Variants in C19orf38 observed in about 807,000 individuals in gnomAD.
The protein encoded by C19orf38 is chromosome 19 open reading frame 38.
In C19orf38, 14 loss-of-function variants were observed where a neutral mutation model predicts 26.6. The ratio of observed to expected loss-of-function variants is 0.53; its 90% CI spans 0.35 to 0.82. The LOEUF (loss-of-function observed/expected upper bound fraction) is 0.82, where lower values mean the gene tolerates loss of function less well. C19orf38 is among the 40% of genes least tolerant of loss of function. The pLI, the probability that C19orf38 is intolerant of heterozygous loss-of-function variation, is 0.01. For missense variants in C19orf38, 261 were observed against 299.5 expected (o/e 0.87, Z 0.95); for synonymous variants, 132 against 128.5 (o/e 1.03, Z -0.18).
intron 6 of C19orf38, among the ~76,000 whole-genome samples, chr19:10,866,654 G>GTT (rs113719440): frequency 6.9e-6 from 1 of 144,438 alleles, no homozygotes. Flanking sequence ...GCTGGCTAAA[G>GTT]TTTTTTTTTT....
chr19:10,839,676 A>G (rs1333458884), intron 1 of C19orf38, among the ~76,000 whole-genome samples: 2 of 149,770 alleles, frequency 1.3e-5, no homozygotes, highest in East Asian at 3.9e-4. Flanking sequence ...ATTCCTTTTT[A>G]TGGCTGAGTA....
chr19:10,860,403 G>A (rs567161287), intron 5 of C19orf38, among the ~76,000 whole-genome samples: 2 of 151,456 alleles, frequency 1.3e-5, no homozygotes, highest in South Asian at 2.1e-4. Context: ...GTGTGGTGGC[G>A]GACACCTGTA....
rs1315155280 is a variant in C19orf38 at position 10,859,374 on chromosome 19, ATATATATATATTT to A, written c.462-539_462-527del. Among the ~76,000 whole-genome samples, 364 of 39,960 alleles carry A rather than the reference ATATATATATATTT, an allele frequency of 9.1e-3. 9 individuals are homozygous for A. The highest frequency in any genetic ancestry group is 0.052 in the East Asian group (32 of 610). The allele number at this position is 39,960 out of a possible 152,430, so 26.2% of individuals were successfully genotyped here. On this transcript the variant is annotated intron_variant, in intron 4 of 6. Coordinates refer to ENST00000397820, the MANE Select transcript of C19orf38 (RefSeq NM_001136482.3). ...TATATATATATATATATATATATAT[ATATATATATATTT>A]TTTTTTTTTTTTTTAGACGGAGTCT...
chr19:10,842,237 C>T, intron 1 of C19orf38: 1 of 1,174,342 alleles, frequency 8.5e-7, no homozygotes, highest in South Asian at 1.3e-5. Context: ...AGAACCATCT[C>T]TTGGAAAACA....
intron 6 of C19orf38, 25 bp from the exon 7 acceptor site, chr19:10,869,193 T>C: frequency 1.3e-6 from 2 of 1,551,536 alleles, no homozygotes; most frequent in Non-Finnish European, 1.7e-6. Flanking sequence ...CACCCACTTC[T>C]GTGTTTCTTC....
intron 6 of C19orf38, among the ~76,000 whole-genome samples, chr19:10,868,352 C>G (rs2073772671): frequency 6.6e-6 from 1 of 152,172 alleles, no homozygotes. Context: ...GGTGGAACCC[C>G]CAGCCTGCTG....
chr19:10,841,283 C>T (rs778632673), intron 1 of C19orf38, among the ~76,000 whole-genome samples: 11 of 151,698 alleles, frequency 7.3e-5, no homozygotes, highest in African/African-American at 2.4e-4. Flanking sequence ...GCCTTGGCAA[C>T]GTAGAGAGAC....
chr19:10,848,716 G>T (rs942138406), intron 1 of C19orf38, among the ~76,000 whole-genome samples, 177 bp downstream of exon 1: 1 of 152,122 alleles, frequency 6.6e-6, no homozygotes, highest in South Asian at 2.1e-4. Context: ...AGTAGTGTTG[G>T]TTTTTTCTTC....
intron 5 of C19orf38, among the ~76,000 whole-genome samples, chr19:10,860,322 A>G (rs1401962826): frequency 6.6e-6 from 1 of 151,914 alleles, no homozygotes; most frequent in African/African-American, 2.4e-5. Context: ...TCACGAGGTC[A>G]GGAATTCGAG....
intron 2 of C19orf38, among the ~76,000 whole-genome samples, chr19:10,854,299 A>C (rs1035348138): frequency 1.3e-5 from 2 of 150,328 alleles, no homozygotes; most frequent in African/African-American, 4.9e-5. Flanking sequence ...CCTGACCTCA[A>C]GTGATCCGCC....
At chr19:10,856,117 T>C (rs1329526795) in intron 2 of C19orf38, 148 bp from the exon 3 acceptor site, 1 of 606,754 alleles carries the variant, frequency 1.6e-6, no homozygotes, top group South Asian at 1.9e-5. Flanking sequence ...GATAGGCTAA[T>C]TGGCCAGACA....
chr19:10,858,226 TAAAAAAAAAAAA>T (rs371026775), intron 3 of C19orf38, 78 bp from the exon 4 acceptor site: 11 of 320,732 alleles, frequency 3.4e-5, no homozygotes, highest in South Asian at 6.6e-5. Context: ...AGACTCTGTC[TAAAAAAAAAAAA>T]AAAAAAAAAA....
At chr19:10,857,362 A>ATTTTT (rs1304594112) in intron 3 of C19orf38, among the ~76,000 whole-genome samples, 27 of 81,596 alleles carry the variant, frequency 3.3e-4, no homozygotes, top group African/African-American at 1.3e-3. Flanking sequence ...ATATATATAT[A>ATTTTT]TATATTTTTT....
At chr19:10,846,178 T>C (rs1225048247), upstream of C19orf38, among the ~76,000 whole-genome samples, 1 of 150,932 alleles carries the variant, frequency 6.6e-6, no homozygotes, top group African/African-American at 2.4e-5. Context: ...CAAGACCCTG[T>C]CTCAAAAAAA....
chr19:10,859,242 ATATG>A (rs1339107918), intron 4 of C19orf38, among the ~76,000 whole-genome samples: 6 of 99,320 alleles, frequency 6.0e-5, no homozygotes, highest in East Asian at 2.6e-4. Flanking sequence ...TGGCTTTTAT[ATATG>A]TGTGTGTGTG....
intron 4 of C19orf38, among the ~76,000 whole-genome samples, chr19:10,858,934 ATGT>A (rs1000460221): frequency 3.0e-5 from 4 of 133,268 alleles, no homozygotes; most frequent in African/African-American, 1.1e-4. Context: ...GAATATATAT[ATGT>A]TTTTTTTTTT....
upstream of C19orf38, among the ~76,000 whole-genome samples, chr19:10,846,545 A>G (rs1437217819): frequency 6.6e-6 from 1 of 152,150 alleles, no homozygotes; most frequent in Non-Finnish European, 1.5e-5. Flanking sequence ...TCAAAAGGCA[A>G]TAAAATAGAA....
At chr19:10,846,393 G>C (rs1293871583), upstream of C19orf38, among the ~76,000 whole-genome samples, 1 of 151,700 alleles carries the variant, frequency 6.6e-6, no homozygotes, top group Non-Finnish European at 1.5e-5. Flanking sequence ...AATAAAAAGA[G>C]TTTATATAAG....
intron 1 of C19orf38, chr19:10,842,001 C>G (rs1310821613): frequency 6.2e-7 from 1 of 1,610,702 alleles, no homozygotes; most frequent in African/African-American, 1.3e-5. Context: ...AGGAAGCCAA[C>G]ATCCTTTTGG....
Sources: gnomAD v4.1 joint callset for allele counts (sites outside exome capture counted in the v4.1 genomes callset) on GRCh38, gnomAD v4.1.1 for gene constraint, MANE v1.5 for transcripts, NCBI Gene and HGNC (gene_info 2026-07-23, HGNC 2026-07-21) for gene names.